The following NHLH2 variants were observed in gnomAD, a reference collection of about 807,000 sequenced individuals.
NHLH2 encodes the protein helix-loop-helix protein 2.
In NHLH2, 7 loss-of-function variants were observed where a neutral mutation model predicts 7.3. The ratio of observed to expected loss-of-function variants is 0.96; its 90% CI spans 0.55 to 1.81. NHLH2 has a LOEUF of 1.81. Ranked by LOEUF, NHLH2 falls within the 40% of genes most tolerant of loss-of-function variation. The pLI, the probability that NHLH2 is intolerant of heterozygous loss-of-function variation, is 0.00. For synonymous variants in NHLH2, 93 were observed against 91.6 expected (o/e 1.01, Z -0.09); for missense variants, 155 against 194.0 (o/e 0.80, Z 1.19).
chr1:115,835,373 G>A (rs908727849), downstream of NHLH2, among the ~76,000 whole-genome samples: 5 of 152,236 alleles, frequency 3.3e-5, no homozygotes, highest in African/African-American at 9.6e-5. Flanking sequence ...ACTGCCTAGA[G>A]GTGAGAAGGC....
chr1:115,837,932 C>G lies in NHLH2; in HGVS notation c.*33G>C, dbSNP rs1159085256. The G allele has an allele frequency of 4.4e-6, 7 of 1,579,280 alleles. No individual in the cohort carries two copies. In the Middle Eastern group the frequency reaches 6.8e-4, roughly 154 times the overall value. On this transcript the variant is annotated 3_prime_UTR_variant, in exon 3 of 3. Transcript: ENST00000320238. ...CGGATCCGTAGCGTTTCGCGGACGCCGGGACAGGCGGCCCCCCGCGGCGCA... is the reference window on the plus strand; with the variant it reads ...CGGATCCGTAGCGTTTCGCGGACGCGGGGACAGGCGGCCCCCCGCGGCGCA...
At chr1:115,838,724 C>T (rs1452841636) in intron 2 of NHLH2, 6 of 269,356 alleles carry the variant, frequency 2.2e-5, no homozygotes, top group Admixed American at 5.7e-5. Context: ...GTGCCTCTTC[C>T]GGCCAAATGC....
chr1:115,833,151 G>T (rs1308263277), downstream of NHLH2, among the ~76,000 whole-genome samples: 1 of 152,170 alleles, frequency 6.6e-6, no homozygotes, highest in Admixed American at 6.5e-5. Flanking sequence ...CGTGAGAATG[G>T]GCTGGAAGGT....
chr1:115,840,241 G>C lies in NHLH2; in HGVS notation c.-34C>G, dbSNP rs886869637. ...CTTGCAAAAGCCTTTTTGATAATCT[G>C]TTCTCCAATCTTTAGAGTTAAAATT... is the stretch of plus-strand genomic sequence containing the variant. On this transcript the variant is annotated 5_prime_UTR_variant, in exon 2 of 3. Transcript: ENST00000320238. 1 of 167,050 alleles carries C rather than the reference G, an allele frequency of 6.0e-6. No homozygotes were observed. The highest frequency in any genetic ancestry group is 1.5e-5 in the Non-Finnish European group (1 of 68,122). The allele number at this position is 167,050 out of a possible 1,614,324, so 10.3% of individuals were successfully genotyped here.
At chr1:115,838,689 C>T in intron 2 of NHLH2, 1 of 334,670 alleles carries the variant, frequency 3.0e-6, no homozygotes, top group South Asian at 9.7e-5. Flanking sequence ...CAACCGCAGG[C>T]CTGTGGGGTC....
rs747612044 is a variant in NHLH2, at chr1:115,840,561, A to G, written c.-337-17T>C. 1.2e-5 allele frequency: 2 copies of G among 167,058 alleles called. No homozygotes were observed. The highest frequency in any genetic ancestry group is 2.9e-5 in the Non-Finnish European group (2 of 68,114). 10.3% of individuals were successfully genotyped at this position (167,058 alleles called of 1,614,324 possible). ...TCTAGGTCTCTAAAAATAACAAAAG[A>G]GATGCAGAGATAAACACAATCACAT... On this transcript the variant is annotated splice_polypyrimidine_tract_variant and intron_variant, in intron 1 of 2. Transcript: ENST00000320238.
intron 2 of NHLH2, chr1:115,838,991 T>C (rs141298401): frequency 0.016 from 2,607 of 167,188 alleles, 46 homozygotes; most frequent in South Asian, 0.019. Flanking sequence ...GGAGAGCCAG[T>C]GGCTGGGGGC....
downstream of NHLH2, chr1:115,836,322 C>G (rs1406515773): frequency 6.6e-6 from 1 of 152,204 alleles, no homozygotes; most frequent in African/African-American, 2.4e-5. Flanking sequence ...ATATTTCATG[C>G]TCAGCTAACA....
rs1306248004 is a variant in NHLH2 at position 115,837,949 on chromosome 1, C to G, written c.*16G>C. ...GCGGACGCCGGGACAGGCGGCCCCCCGCGGCGCACCCCGCCCTACACGTCC... is the reference window on the plus strand; with the variant it reads ...GCGGACGCCGGGACAGGCGGCCCCCGGCGGCGCACCCCGCCCTACACGTCC... On this transcript the variant is annotated 3_prime_UTR_variant, in exon 3 of 3. Coordinates refer to ENST00000320238, the MANE Select transcript of NHLH2 (RefSeq NM_005599.3). The G allele has an allele frequency of 9.4e-6, 15 of 1,589,066 alleles. No individual in the cohort carries two copies. The highest frequency in any genetic ancestry group is 1.7e-5 in the Admixed American group (1 of 57,544).
At chr1:115,836,324 C>T (rs1465788901), downstream of NHLH2, 1 of 152,192 alleles carries the variant, frequency 6.6e-6, no homozygotes. Context: ...ATTTCATGCT[C>T]AGCTAACATG....
At chr1:115,831,442 C>T (rs958476368), downstream of NHLH2, among the ~76,000 whole-genome samples, 2 of 152,164 alleles carry the variant, frequency 1.3e-5, no homozygotes, top group African/African-American at 2.4e-5. Context: ...TCCATGAAGA[C>T]ATCAGTAAGT....
chr1:115,838,342 A>C lies in NHLH2; in HGVS notation c.31T>G (p.Ser11Ala), dbSNP rs375555046. 1.2e-4 allele frequency: 190 copies of C among 1,609,276 alleles called. No homozygotes were observed. The highest frequency in any genetic ancestry group is 1.6e-4 in the Non-Finnish European group (183 of 1,179,326). The change falls in exon 3 of 3, where the codon TCG (serine) becomes GCG (alanine). Residue 11 changes from serine to alanine, a missense_variant. Physicochemically the swap from Ser to Ala is moderately conservative, Grantham distance 99 (BLOSUM62 1). Around this residue, in one of 2 missense-constraint regions of NHLH2, gnomAD observed 91 missense variants for 86.6 expected, o/e 1.05. Coordinates refer to ENST00000320238, the MANE Select transcript of NHLH2 (RefSeq NM_005599.3). MMLSPDQAAD[S>A]DHPSSAHSDP... ...GAGTGCGCCGAGCTGGGATGGTCCG[A>C]ATCTGCTGCTTGGTCCGGACTCAGC...
rs1259164786 is a variant in NHLH2 at position 115,837,341 on chromosome 1, C to T, written c.*624G>A. Reference sequence around the variant, plus strand: ...AAATATCACCAAGCTCAGATCCTCCCACAGTGTGTCTACTTGTTCTCAATT... The same window carrying T: ...AAATATCACCAAGCTCAGATCCTCCTACAGTGTGTCTACTTGTTCTCAATT... On this transcript the variant is annotated 3_prime_UTR_variant, in exon 3 of 3. Transcript: ENST00000320238. The T allele has an allele frequency of 6.6e-6, 1 of 152,670 alleles. No individual in the cohort carries two copies. Among genetic ancestry groups the T allele is most frequent in the Non-Finnish European group, 1.5e-5 (1 of 68,058 alleles). 9.5% of individuals were successfully genotyped at this position (152,670 alleles called of 1,614,324 possible). A position where few individuals can be genotyped will look rare whatever the true frequency, so the allele number is the denominator to read the frequency against.
Position 115,838,157 on chromosome 1 carries a change from CCGGCGG to C in NHLH2, c.210_215del (p.Arg72_Arg73del). On this transcript the variant is annotated inframe_deletion, in exon 3 of 3. Transcript: ENST00000320238. ...CCGAGCGGTACTTGGCCGTGGCGCG[CCGGCGG>C]CGGCGCTTCTCCTCGCGGCTCAGCT... 1 of 1,586,566 alleles carries C rather than the reference CCGGCGG, an allele frequency of 6.3e-7. No homozygotes were observed. Among genetic ancestry groups the C allele is most frequent in the Non-Finnish European group, 8.6e-7 (1 of 1,168,026 alleles).
intron 2 of NHLH2, 153 bp from the exon 3 acceptor site, chr1:115,838,533 G>C: frequency 1.2e-6 from 1 of 818,322 alleles, no homozygotes; most frequent in Non-Finnish European, 1.9e-6. Context: ...GGAGGGCGCC[G>C]ATAGGATCTG....
chr1:115,840,679 T>C (rs2811569), intron 1 of NHLH2, 135 bp from the exon 2 acceptor site: 162,065 of 166,396 alleles, frequency 0.97, 79,086 homozygotes, highest in East Asian at 1. Context: ...GCCTTTCTTT[T>C]CCTTAATACG....
At chr1:115,831,719 A>G (rs1970552), downstream of NHLH2, among the ~76,000 whole-genome samples, 49,371 of 151,688 alleles carry the variant, frequency 0.33, 8,395 homozygotes, top group African/African-American at 0.43. Flanking sequence ...TCAGGAGTTC[A>G]AGACCAGCCT....
downstream of NHLH2, among the ~76,000 whole-genome samples, chr1:115,832,562 A>G (rs2101190564): frequency 6.6e-6 from 1 of 152,330 alleles, no homozygotes; most frequent in Admixed American, 6.5e-5. Flanking sequence ...TGAGATTGGT[A>G]CATACGTTGT....
At chr1:115,834,293 G>T (rs1650816093), downstream of NHLH2, among the ~76,000 whole-genome samples, 1 of 152,224 alleles carries the variant, frequency 6.6e-6, no homozygotes, top group Admixed American at 6.5e-5. Flanking sequence ...TGTCCGCTGG[G>T]CCAGCTGGGG....
Sources: gnomAD v4.1 joint callset for allele counts (sites outside exome capture counted in the v4.1 genomes callset) on GRCh38, gnomAD v4.1.1 for gene constraint, gnomAD v4.1.1 regional missense constraint, MANE v1.5 for transcripts, NCBI Gene and HGNC (gene_info 2026-07-23, HGNC 2026-07-21) for gene names.